The following SHISA9 variants were observed in gnomAD, a reference collection of about 807,000 sequenced individuals.
The protein encoded by SHISA9 is protein shisa-9.
A neutral mutation model predicts 38.0 loss-of-function variants in SHISA9; 13 were observed. The ratio of observed to expected loss-of-function variants is 0.34; its 90% CI spans 0.22 to 0.54. SHISA9 has a LOEUF of 0.54. Ranked by LOEUF, SHISA9 falls within the 20% of genes least tolerant of loss-of-function variation. The probability of loss-of-function intolerance (pLI) is 0.91; values close to 1 mark genes in which losing one functional copy is unlikely to be tolerated. For missense variants in SHISA9, 538 were observed against 575.8 expected, an observed-to-expected ratio of 0.93 and a Z score of 0.67; for synonymous variants, 275 against 242.0, an observed-to-expected ratio of 1.14 and a Z score of -1.27.
the SHISA9 span, among the ~76,000 whole-genome samples, chr16:13,554,821 A>T: frequency 6.6e-6 from 1 of 152,134 alleles, no homozygotes; most frequent in Non-Finnish European, 1.5e-5. Flanking sequence ...AGATGTGGGA[A>T]ATACAAAGGA....
chr16:13,339,540 C>T, the SHISA9 span, among the ~76,000 whole-genome samples: 1 of 152,006 alleles, frequency 6.6e-6, no homozygotes, highest in African/African-American at 2.4e-5. Context: ...ATGGGTGTTC[C>T]CTCGTGCTTC....
At chr16:12,950,548 C>T (rs8049370) in intron 2 of SHISA9, among the ~76,000 whole-genome samples, 2 of 151,720 alleles carry the variant, frequency 1.3e-5, no homozygotes, top group Admixed American at 6.6e-5. Context: ...TTAGTACAGC[C>T]GCTGTGGAAA....
intron 2 of SHISA9, among the ~76,000 whole-genome samples, chr16:13,024,619 C>T (rs1596593507): frequency 6.6e-6 from 1 of 152,200 alleles, no homozygotes; most frequent in Admixed American, 6.5e-5. Context: ...AGTTGAAATG[C>T]GAGAGATCTG....
rs1893157376 is a variant in SHISA9, at chr16:12,999,965, A to G, written c.691+83150A>G. Reference sequence around the variant, plus strand: ...AGCTATGTGCATGGGAAAAAGAGAAATGGGTTTTGGTAAACAGCCTAAACA... The same window carrying G: ...AGCTATGTGCATGGGAAAAAGAGAAGTGGGTTTTGGTAAACAGCCTAAACA... On this transcript the variant is annotated intron_variant, in intron 2 of 4. Transcript: ENST00000558583. Among the ~76,000 whole-genome samples the G allele has an allele frequency of 2.6e-5, 4 of 152,222 alleles. No homozygotes were observed. The South Asian group carries it at 6.2e-4, about 24-fold the overall frequency.
At chr16:13,156,716 A>G (rs1248215294) in intron 2 of SHISA9, among the ~76,000 whole-genome samples, 1 of 143,314 alleles carries the variant, frequency 7.0e-6, no homozygotes, top group African/African-American at 2.7e-5. Flanking sequence ...CCTGGGCAAC[A>G]GAGTGAGACT....
the SHISA9 span, among the ~76,000 whole-genome samples, chr16:13,405,102 C>T: frequency 6.6e-6 from 1 of 152,158 alleles, no homozygotes; most frequent in Non-Finnish European, 1.5e-5. Context: ...GGTCTTGCCC[C>T]TCAGAGAAAA....
the SHISA9 span, among the ~76,000 whole-genome samples, chr16:13,277,032 A>T: frequency 1.1e-4 from 17 of 152,192 alleles, no homozygotes; most frequent in South Asian, 3.5e-3. Flanking sequence ...ATCTTCTAGA[A>T]TTTTTATAGT....
At chr16:13,557,322 C>T in the SHISA9 span, among the ~76,000 whole-genome samples, 2 of 152,130 alleles carry the variant, frequency 1.3e-5, no homozygotes, top group Admixed American at 6.5e-5. Context: ...ACCAAAAATA[C>T]AATCTACAAA....
chr16:13,146,891 T>C (rs2050452055), intron 2 of SHISA9, among the ~76,000 whole-genome samples: 1 of 152,200 alleles, frequency 6.6e-6, no homozygotes, highest in Non-Finnish European at 1.5e-5. Context: ...AAAAGTCTGA[T>C]TTCAGTCAAT....
chr16:13,069,213 A>G (rs116885659), intron 2 of SHISA9, among the ~76,000 whole-genome samples: 3,838 of 151,264 alleles, frequency 0.025, 70 homozygotes, highest in Non-Finnish European at 0.041. Flanking sequence ...CATGCATGCA[A>G]TGTGTGTATG....
chr16:13,281,402 C>T, the SHISA9 span, among the ~76,000 whole-genome samples: 1 of 151,578 alleles, frequency 6.6e-6, no homozygotes, highest in Non-Finnish European at 1.5e-5. Flanking sequence ...TTTCTGTATA[C>T]TTTTATTTCA....
chr16:13,286,688 A>C, the SHISA9 span, among the ~76,000 whole-genome samples: 59 of 152,338 alleles, frequency 3.9e-4, no homozygotes, highest in Middle Eastern at 0.01. Flanking sequence ...TGATAAAAGA[A>C]ATCTCATTTG....
At chr16:13,026,020 G>A (rs1393990256) in intron 2 of SHISA9, among the ~76,000 whole-genome samples, 1 of 152,074 alleles carries the variant, frequency 6.6e-6, no homozygotes, top group Non-Finnish European at 1.5e-5. Flanking sequence ...GGTCAGGCTG[G>A]TCTCGAACTC....
intron 2 of SHISA9, among the ~76,000 whole-genome samples, chr16:12,958,853 C>T (rs921136551): frequency 3.9e-5 from 6 of 152,160 alleles, no homozygotes; most frequent in South Asian, 4.2e-4. Flanking sequence ...ACAAATACTC[C>T]CCCCACCCCC....
intron 2 of SHISA9, among the ~76,000 whole-genome samples, chr16:13,186,836 C>T (rs1405646463): frequency 1.3e-5 from 2 of 152,154 alleles, no homozygotes; most frequent in East Asian, 3.9e-4. Flanking sequence ...CTTTTTGTGA[C>T]TGGCTAATTT....
At chr16:13,051,490 C>A (rs117472529) in intron 2 of SHISA9, among the ~76,000 whole-genome samples, 1 of 152,160 alleles carries the variant, frequency 6.6e-6, no homozygotes, top group Non-Finnish European at 1.5e-5. Flanking sequence ...GGGTGGCCTG[C>A]GTGCTTCAAT....
the SHISA9 span, among the ~76,000 whole-genome samples, chr16:13,412,958 CAAATAAAT>C: frequency 1.3e-4 from 19 of 151,406 alleles, no homozygotes; most frequent in Admixed American, 7.3e-4. Context: ...AATGCATACA[CAAATAAAT>C]AAATAAATAA....
the SHISA9 span, among the ~76,000 whole-genome samples, chr16:13,508,116 T>C: frequency 1.3e-5 from 2 of 152,226 alleles, no homozygotes; most frequent in African/African-American, 4.8e-5. Context: ...TGAGTCTTTG[T>C]TTCCTTTTCT....
At chr16:13,155,557 T>A (rs941713267) in intron 2 of SHISA9, among the ~76,000 whole-genome samples, 1 of 151,714 alleles carries the variant, frequency 6.6e-6, no homozygotes, top group Admixed American at 6.6e-5. Flanking sequence ...GGATGGCCTC[T>A]GGCCTTTCAT....
Sources: gnomAD v4.1 joint callset for allele counts (sites outside exome capture counted in the v4.1 genomes callset) on GRCh38, gnomAD v4.1.1 for gene constraint, MANE v1.5 for transcripts, NCBI Gene and HGNC (gene_info 2026-07-23, HGNC 2026-07-21) for gene names.